The following WNT7B variants were observed in gnomAD, a reference collection of about 807,000 sequenced individuals.
WNT7B encodes protein Wnt-7b.
WNT7B carries 19 observed loss-of-function variants against 38.2 expected under a neutral mutation model. The ratio of observed to expected loss-of-function variants is 0.50; its 90% CI spans 0.35 to 0.73. The LOEUF (loss-of-function observed/expected upper bound fraction) is 0.73, where lower values mean the gene tolerates loss of function less well. Ranked by LOEUF, WNT7B falls within the 30% of genes least tolerant of loss-of-function variation. WNT7B has a pLI of 0.01. For missense variants in WNT7B, 423 were observed against 507.9 expected, an observed-to-expected ratio of 0.83 and a Z score of 1.61; for synonymous variants, 243 against 209.3, an observed-to-expected ratio of 1.16 and a Z score of -1.39.
intron 2 of WNT7B, among the ~76,000 whole-genome samples, chr22:45,941,676 G>A (rs1251301131): frequency 1.6e-4 from 24 of 152,100 alleles, no homozygotes. Context: ...GGAGAGAGGC[G>A]AGGGGCAGGT....
At position 45,976,045 on chromosome 22, in the gene WNT7B, C is replaced by A. The variant is rs1932542766; in HGVS notation, c.71+639G>T. 2.1e-5 allele frequency: 3 copies of A among 145,224 alleles called. No homozygotes were observed. The South Asian group carries it at 6.3e-4, about 30-fold the overall frequency. The allele number at this position is 145,224 out of a possible 1,614,324, so 9.0% of individuals were successfully genotyped here. A position where few individuals can be genotyped will look rare whatever the true frequency, so the allele number is the denominator to read the frequency against. On this transcript the variant is annotated intron_variant, in intron 1 of 3. Transcript: ENST00000339464. This position sits in a 1 kb window ranked among gnomAD's most constrained non-coding sequence, Gnocchi z 8.5. ...CAGGGGGAGCGCGGCGAGAGGGGGC[C>A]GGGCCCAGGGCCCAGGGCCCCGGGC...
Position 45,931,313 on chromosome 22 carries a change from CGGCGTGCGCCACGCCAGCCGCGGTGAT to C in WNT7B, c.328_354del (p.Ile110_Ala118del). The C allele has an allele frequency of 2.5e-6, 4 of 1,597,124 alleles. No individual in the cohort carries two copies. The highest frequency in any genetic ancestry group is 1.3e-5 in the African/African-American group (1 of 75,020). ...TTCCCTTGGCTGCAGGCAGCGGTGACGGCGTGCGCCACGCCAGCCGCGGTGATGGCGTACGTGAAGGCAGCCTCACGG... is the reference window on the plus strand; with the variant it reads ...TTCCCTTGGCTGCAGGCAGCGGTGACGGCGTACGTGAAGGCAGCCTCACGG... On this transcript the variant is annotated inframe_deletion, in exon 3 of 4. Coordinates refer to ENST00000339464, the MANE Select transcript of WNT7B (RefSeq NM_058238.3).
chr22:45,974,014 T>G (rs1364632059), intron 1 of WNT7B, among the ~76,000 whole-genome samples: 1 of 152,168 alleles, frequency 6.6e-6, no homozygotes, highest in Non-Finnish European at 1.5e-5. Flanking sequence ...GCTCCTGGGA[T>G]GCAGATGCCC....
intron 3 of WNT7B, among the ~76,000 whole-genome samples, chr22:45,930,859 G>C (rs1336751841): frequency 6.6e-6 from 1 of 152,206 alleles, no homozygotes; most frequent in South Asian, 2.1e-4. Context: ...TTCCCTGGGG[G>C]CCGTGAGCAT....
At chr22:45,941,707 G>A (rs1054969127) in intron 2 of WNT7B, among the ~76,000 whole-genome samples, 4 of 152,074 alleles carry the variant, frequency 2.6e-5, no homozygotes, top group South Asian at 2.1e-4. Context: ...GCCTGGCCCC[G>A]CGAAGATGTC....
intron 2 of WNT7B, among the ~76,000 whole-genome samples, chr22:45,933,496 C>A (rs779410190): frequency 6.6e-6 from 1 of 152,050 alleles, no homozygotes; most frequent in East Asian, 1.9e-4. Flanking sequence ...TTAAACGCCC[C>A]GTTCTGTCTG....
chr22:45,925,826 A>G (rs1931065735), intron 3 of WNT7B: 2 of 985,204 alleles, frequency 2.0e-6, no homozygotes, highest in South Asian at 4.7e-5. Flanking sequence ...CCCTCCTCAG[A>G]TGGGCCTGGA....
At chr22:45,924,027 T>C (rs1378577089) in intron 3 of WNT7B, among the ~76,000 whole-genome samples, 2 of 152,158 alleles carry the variant, frequency 1.3e-5, no homozygotes, top group African/African-American at 4.8e-5. Flanking sequence ...CCTCCCTCCA[T>C]GGCCCCGGAA....
chr22:45,923,448 T>C, intron 3 of WNT7B, 113 bp from the exon 4 acceptor site: 1 of 1,429,786 alleles, frequency 7.0e-7, no homozygotes, highest in Non-Finnish European at 9.2e-7. Flanking sequence ...CCTTGGGCTG[T>C]GTGACCACAG....
At chr22:45,935,697 G>C (rs374741746) in intron 2 of WNT7B, among the ~76,000 whole-genome samples, 1 of 152,160 alleles carries the variant, frequency 6.6e-6, no homozygotes, top group African/African-American at 2.4e-5. Flanking sequence ...GCATGAGCAG[G>C]TCTGGACTGG....
intron 1 of WNT7B, among the ~76,000 whole-genome samples, chr22:45,964,258 C>A (rs890683092): frequency 6.6e-6 from 1 of 152,112 alleles, no homozygotes; most frequent in Admixed American, 6.5e-5. Context: ...GGGCCTGTCA[C>A]CCCCAGGAAC....
rs898465622 is a variant in WNT7B at position 45,976,594 on chromosome 22, A to AGTCCCCAC, written c.71+82_71+89dup. ...CCAGAGAGCTGCAGTGGCCCCCTCC[A>AGTCCCCAC]GTCCCCACGTCCCCACGGGGACGCC... is the stretch of plus-strand genomic sequence containing the variant. On this transcript the variant is annotated intron_variant, in intron 1 of 3. Coordinates refer to ENST00000339464, the MANE Select transcript of WNT7B (RefSeq NM_058238.3). The surrounding 1 kb of genome is among the most constrained non-coding windows in gnomAD (Gnocchi z 8.5). 2.1e-5 allele frequency: 29 copies of AGTCCCCAC among 1,389,934 alleles called. No homozygotes were observed. The African/African-American group carries it at 3.5e-4, about 17-fold the overall frequency. The allele number at this position is 1,389,934 out of a possible 1,614,324, so 86.1% of individuals were successfully genotyped here.
At chr22:45,962,545 T>C (rs1932220421) in intron 1 of WNT7B, among the ~76,000 whole-genome samples, 2 of 152,210 alleles carry the variant, frequency 1.3e-5, no homozygotes. Flanking sequence ...CCAGGGTCTC[T>C]CTCAGTTCTC....
In WNT7B at chr22:45,951,647, C is replaced by G. The variant is rs1378161378; in HGVS notation, c.72-1501G>C. ...TGGATGGAACCATTCATTGTGTGAC[C>G]TTTGGCGTCTGGCTTCTTTCACTTA... On this transcript the variant is annotated intron_variant, in intron 1 of 3. Transcript: ENST00000339464. This position sits in a 1 kb window ranked among gnomAD's most constrained non-coding sequence, Gnocchi z 4.8. Among the ~76,000 whole-genome samples the G allele has an allele frequency of 1.3e-5, 2 of 152,156 alleles. No homozygotes were observed. Among genetic ancestry groups the G allele is most frequent in the African/African-American group, 4.8e-5 (2 of 41,422 alleles).
rs1173321210 is a variant in WNT7B at position 45,942,921 on chromosome 22, C to CAT, written c.298+6998_298+6999insAT. 7.7e-4 allele frequency among the ~76,000 whole-genome samples: 113 copies of CAT among 146,220 alleles called. 3 individuals carry two copies. Among genetic ancestry groups the CAT allele is most frequent in the Admixed American group, 6.7e-3 (91 of 13,598 alleles). On this transcript the variant is annotated intron_variant, in intron 2 of 3. Coordinates refer to ENST00000339464, the MANE Select transcript of WNT7B (RefSeq NM_058238.3). ...TGTGCGCGCGTGTGTGCAGTGTGCA[C>CAT]GTGTGTGCATGTGTGTAGGCGTGTA...
chr22:45,933,330 T>G (rs1482328222), intron 2 of WNT7B, among the ~76,000 whole-genome samples: 9 of 152,168 alleles, frequency 5.9e-5, no homozygotes, highest in Admixed American at 5.9e-4. Context: ...AAGGGCCTCA[T>G]CCTGCCAGCC....
chr22:45,936,089 C>T, intron 2 of WNT7B: 2 of 985,450 alleles, frequency 2.0e-6, no homozygotes, highest in Non-Finnish European at 2.4e-6. Flanking sequence ...CCTCACCCCA[C>T]AGCCCTCAAG....
intron 1 of WNT7B, among the ~76,000 whole-genome samples, chr22:45,957,969 G>A (rs916586778): frequency 2.6e-5 from 4 of 152,222 alleles, no homozygotes; most frequent in Non-Finnish European, 5.9e-5. Context: ...CTGAATGCGG[G>A]CAACAGCCCA....
At chr22:45,943,252 C>T (rs1471501764) in intron 2 of WNT7B, among the ~76,000 whole-genome samples, 1 of 152,360 alleles carries the variant, frequency 6.6e-6, no homozygotes, top group South Asian at 2.1e-4. Context: ...CACCCGGGCT[C>T]GGGCTGAGTC....
Sources: allele counts gnomAD v4.1 joint callset (sites outside exome capture counted in the v4.1 genomes callset), GRCh38; gene constraint gnomAD v4.1.1; non-coding constraint Gnocchi (gnomAD v3.1); transcripts MANE v1.5; gene names NCBI Gene and HGNC (gene_info 2026-07-23, HGNC 2026-07-21).